The following XPNPEP3 variants were observed in gnomAD, a reference collection of about 807,000 sequenced individuals.
XPNPEP3 encodes X-prolyl aminopeptidase 3.
A neutral mutation model predicts 60.0 loss-of-function variants in XPNPEP3; 41 were observed. The ratio of observed to expected loss-of-function variants is 0.68; its 90% CI spans 0.53 to 0.89. XPNPEP3 has a LOEUF of 0.89. Among genes scored for constraint, XPNPEP3 ranks in the 40% least tolerant of loss-of-function variants. The pLI, the probability that XPNPEP3 is intolerant of heterozygous loss-of-function variation, is 0.00. For missense variants in XPNPEP3, 598 were observed against 638.9 expected (o/e 0.94, Z 0.69); for synonymous variants, 212 against 223.2 (o/e 0.95, Z 0.45).
At chr22:40,893,178 A>G (rs938126269) in intron 4 of XPNPEP3, among the ~76,000 whole-genome samples, 3 of 146,872 alleles carry the variant, frequency 2.0e-5, no homozygotes, top group African/African-American at 7.4e-5. Flanking sequence ...TAATATAATT[A>G]ATATGCAAAA....
In XPNPEP3 at chr22:40,918,009, T is replaced by TAAA. The variant is rs34474574; in HGVS notation, c.1055+3703_1055+3705dup. On this transcript the variant is annotated intron_variant, in intron 7 of 9. Transcript: ENST00000357137. ...CTAGGCAGCAGAGTGAGACTCTGTC[T>TAAA]AAAAAAAAAAAAAAAAAAAATCTGT... is the stretch of plus-strand genomic sequence containing the variant. 3.0e-4 allele frequency among the ~76,000 whole-genome samples: 37 copies of TAAA among 124,940 alleles called. 1 individual carries two copies. In the East Asian group the frequency reaches 5.8e-3, roughly 20 times the overall value. 82.0% of individuals were successfully genotyped at this position (124,940 alleles called of 152,430 possible).
intron 1 of XPNPEP3, chr22:40,860,683 T>TA: frequency 8.2e-7 from 1 of 1,214,644 alleles, no homozygotes; most frequent in South Asian, 1.5e-5. Flanking sequence ...GACAGGGTCT[T>TA]ACTTTGTCAC....
chr22:40,926,785 C>T lies in XPNPEP3; in HGVS notation c.*350C>T. 3.0e-6 allele frequency: 1 copy of T among 332,872 alleles called. No homozygotes were observed. 20.6% of individuals were successfully genotyped at this position (332,872 alleles called of 1,614,324 possible). A position where few individuals can be genotyped will look rare whatever the true frequency, so the allele number is the denominator to read the frequency against. On this transcript the variant is annotated 3_prime_UTR_variant, in exon 10 of 10. Coordinates refer to ENST00000357137, the MANE Select transcript of XPNPEP3 (RefSeq NM_022098.4). Reference sequence around the variant, plus strand: ...CATATAGAAAATTCACTTCTTCTTTCAAGTCCTTCCCTTTCTATACTTTTG... The same window carrying T: ...CATATAGAAAATTCACTTCTTCTTTTAAGTCCTTCCCTTTCTATACTTTTG...
chr22:40,865,199 G>A (rs2057972269), intron 1 of XPNPEP3, among the ~76,000 whole-genome samples: 1 of 151,990 alleles, frequency 6.6e-6, no homozygotes, highest in African/African-American at 2.4e-5. Flanking sequence ...ACTCCAATCT[G>A]TCTTCTGTCT....
At chr22:40,881,603 G>A (rs528442235) in intron 2 of XPNPEP3, among the ~76,000 whole-genome samples, 167 bp from the exon 3 acceptor site, 1 of 152,224 alleles carries the variant, frequency 6.6e-6, no homozygotes, top group Non-Finnish European at 1.5e-5. Flanking sequence ...TTTTTGCAGT[G>A]GAATACAAGT....
chr22:40,900,751 A>G (rs903870633), intron 4 of XPNPEP3, among the ~76,000 whole-genome samples: 1 of 152,134 alleles, frequency 6.6e-6, no homozygotes, highest in South Asian at 2.1e-4. Flanking sequence ...CAACATGGCA[A>G]AACCCCATCT....
At chr22:40,908,327 C>T (rs1010016892) in intron 5 of XPNPEP3, among the ~76,000 whole-genome samples, 5 of 152,020 alleles carry the variant, frequency 3.3e-5, no homozygotes, top group African/African-American at 1.2e-4. Flanking sequence ...TGAGACCAGC[C>T]TGGGCAACAT....
chr22:40,876,915 G>T (rs1445327973), intron 2 of XPNPEP3, among the ~76,000 whole-genome samples: 1 of 152,146 alleles, frequency 6.6e-6, no homozygotes, highest in African/African-American at 2.4e-5. Context: ...GAATTTCACA[G>T]ATCTTACATA....
chr22:40,926,187 TA>T, intron 9 of XPNPEP3, 81 bp from the exon 10 acceptor site: 1 of 1,475,480 alleles, frequency 6.8e-7, no homozygotes, highest in Non-Finnish European at 9.5e-7. Flanking sequence ...GAAGGAATTT[TA>T]ACCCAGAGGT....
Position 40,922,429 on chromosome 22 carries a change from C to CT in XPNPEP3, c.1153dup (p.Tyr385LeufsTer13), listed in dbSNP as rs1245545016. 6.2e-7 allele frequency: 1 copy of CT among 1,613,854 alleles called. No homozygotes were observed. The highest frequency in any genetic ancestry group is 8.5e-7 in the Non-Finnish European group (1 of 1,179,916). ...TCCCTGGGACAAGCTTGGAGAACAT[C>CT]TACAGCATGATGCTGACCCTGATAG... On this transcript the variant is annotated frameshift_variant, in exon 8 of 10. Transcript: ENST00000357137. LOFTEE classifies it high-confidence loss of function.
At chr22:40,870,162 TGG>T (rs2057998222) in intron 2 of XPNPEP3, 1 of 445,720 alleles carries the variant, frequency 2.2e-6, no homozygotes, top group African/African-American at 2.0e-5. Context: ...GCAACCCAGT[TGG>T]TATTAATTTT....
In XPNPEP3 at chr22:40,900,133, A is replaced by G. The variant is rs181979651; in HGVS notation, c.793-7454A>G. ...ACTTAAGAGCTCAAATTATAAAACT[A>G]TTAGGAAAAAACATAAGGGTGAATC... On this transcript the variant is annotated intron_variant, in intron 4 of 9. Transcript: ENST00000357137. Among the ~76,000 whole-genome samples the G allele has an allele frequency of 1.2e-4, 18 of 152,252 alleles. No individual in the cohort carries two copies. In the South Asian group the frequency reaches 3.5e-3, roughly 30 times the overall value.
At chr22:40,888,307 G>T in intron 4 of XPNPEP3, 1 of 290,448 alleles carries the variant, frequency 3.4e-6, no homozygotes, top group Non-Finnish European at 7.2e-6. Context: ...GCAGTAGCAT[G>T]ATCACAGCTC....
chr22:40,914,265 A>T lies in XPNPEP3; in HGVS notation c.996A>T (p.Gly332=). 6.2e-7 allele frequency: 1 copy of T among 1,613,944 alleles called. No homozygotes were observed. The part of the protein sequence containing the change: ...IKDGEMVLLD[G]GCESSCYVSD... ...ATGGGGAAATGGTGCTTCTGGATGG[A>T]GGTTGTGAGTCTTCCTGCTATGTGA... Residue 332 remains glycine, a synonymous_variant, in exon 7 of 10, where the codon GGA becomes GGT. Coordinates refer to ENST00000357137, the MANE Select transcript of XPNPEP3 (RefSeq NM_022098.4).
chr22:40,864,552 TCTC>T (rs2057968098), intron 1 of XPNPEP3, among the ~76,000 whole-genome samples: 1 of 152,114 alleles, frequency 6.6e-6, no homozygotes, highest in Non-Finnish European at 1.5e-5. Context: ...TTCAAGCCAT[TCTC>T]CTGCCTCAGC....
intron 2 of XPNPEP3, among the ~76,000 whole-genome samples, chr22:40,871,579 T>A (rs921827338): frequency 1.3e-5 from 2 of 152,212 alleles, no homozygotes; most frequent in African/African-American, 4.8e-5. Context: ...ATTTTTTTTT[T>A]AATTACTAAT....
At position 40,926,455 on chromosome 22, in the gene XPNPEP3, G is replaced by A; in HGVS notation, c.*20G>A. On this transcript the variant is annotated 3_prime_UTR_variant, in exon 10 of 10. Transcript: ENST00000357137. ...TCTTGACCTTCACTGCGGCCCACATGCACCTCAGGTTCAAAATGGGTGTCT... is the reference window on the plus strand; with the variant it reads ...TCTTGACCTTCACTGCGGCCCACATACACCTCAGGTTCAAAATGGGTGTCT... 1 of 1,613,876 alleles carries A rather than the reference G, an allele frequency of 6.2e-7. No homozygotes were observed.
At chr22:40,862,169 C>G in intron 1 of XPNPEP3, 1 of 1,415,886 alleles carries the variant, frequency 7.1e-7, no homozygotes, top group Non-Finnish European at 9.2e-7. Context: ...ATGTGGCAAG[C>G]AGAGTTACAA....
rs539619739 is a variant in XPNPEP3, at chr22:40,904,181, A to T, written c.793-3406A>T. Among the ~76,000 whole-genome samples, 14 of 152,286 alleles carry T rather than the reference A, an allele frequency of 9.2e-5. No homozygotes were observed. The East Asian group carries it at 2.7e-3, about 29-fold the overall frequency. Reference sequence around the variant, plus strand: ...TCATAAAGTCTAACTCTTGATCTTTACTGGAAGGACATCAAGCATATAGTA... The same window carrying T: ...TCATAAAGTCTAACTCTTGATCTTTTCTGGAAGGACATCAAGCATATAGTA... On this transcript the variant is annotated intron_variant, in intron 4 of 9. Transcript: ENST00000357137.
Sources: gnomAD v4.1 joint callset for allele counts (sites outside exome capture counted in the v4.1 genomes callset) on GRCh38, gnomAD v4.1.1 for gene constraint, MANE v1.5 for transcripts, NCBI Gene and HGNC (gene_info 2026-07-23, HGNC 2026-07-21) for gene names.